WIF1: variants seen among roughly 807,000 people sequenced by gnomAD.
WIF1 encodes the protein Wnt inhibitory factor 1.
A neutral mutation model predicts 53.5 loss-of-function variants in WIF1; 35 were observed. The ratio of observed to expected loss-of-function variants is 0.65; its 90% CI spans 0.50 to 0.87. The LOEUF is 0.87. Ranked by LOEUF, WIF1 falls within the 40% of genes least tolerant of loss-of-function variation. The probability of loss-of-function intolerance (pLI) is 0.00; values close to 1 mark genes in which losing one functional copy is unlikely to be tolerated. For synonymous variants in WIF1, 171 were observed against 170.4 expected (o/e 1.00, Z -0.03); for missense variants, 467 against 476.8 (o/e 0.98, Z 0.19).
At chr12:65,061,458 C>T (rs1276947729) in intron 7 of WIF1, among the ~76,000 whole-genome samples, 2 of 152,178 alleles carry the variant, frequency 1.3e-5, no homozygotes, top group East Asian at 3.9e-4. Flanking sequence ...ACAGGCTGAC[C>T]TTCCTTTTGC....
At chr12:65,051,505 C>G in intron 9 of WIF1, 35 bp from the exon 10 acceptor site, 1 of 1,538,314 alleles carries the variant, frequency 6.5e-7, no homozygotes, top group African/African-American at 1.4e-5. Context: ...AGGAAAGAAA[C>G]TACAAAACCA....
rs369731783 is a variant in WIF1, at chr12:65,055,076, T to A, written c.1018+42A>T. On this transcript the variant is annotated intron_variant, in intron 9 of 9. Transcript: ENST00000286574. ...CTGGTCTCCCACTCACTTTTATTTT[T>A]ATTTTTTTCCTTGTTTACAACTTTT... The A allele has an allele frequency of 9.1e-5, 145 of 1,601,134 alleles. 1 individual carries two copies. Among genetic ancestry groups the A allele is most frequent in the Middle Eastern group, 6.7e-4 (4 of 6,002 alleles).
intron 2 of WIF1, among the ~76,000 whole-genome samples, chr12:65,102,987 T>C (rs1426322726): frequency 2.6e-5 from 4 of 152,216 alleles, no homozygotes; most frequent in Admixed American, 1.3e-4. Context: ...TATTTCTATG[T>C]TTACTATGTA....
intron 9 of WIF1, chr12:65,054,053 C>T (rs996631802): frequency 2.7e-5 from 4 of 146,438 alleles, no homozygotes; most frequent in African/African-American, 1.0e-4. Context: ...GTAGACACAA[C>T]CTGGAATTTT....
intron 2 of WIF1, among the ~76,000 whole-genome samples, chr12:65,105,801 A>G (rs920817232): frequency 6.6e-6 from 1 of 152,190 alleles, no homozygotes; most frequent in Admixed American, 6.5e-5. Context: ...CAACACCGCC[A>G]CACTGGCAAT....
At chr12:65,116,216 CG>C (rs1883506535) in intron 2 of WIF1, among the ~76,000 whole-genome samples, 1 of 152,142 alleles carries the variant, frequency 6.6e-6, no homozygotes, top group Non-Finnish European at 1.5e-5. Context: ...CCCCAACCCT[CG>C]GGGCACATGT....
chr12:65,056,548 A>G (rs1263420943), intron 7 of WIF1, among the ~76,000 whole-genome samples: 1 of 151,796 alleles, frequency 6.6e-6, no homozygotes, highest in Non-Finnish European at 1.5e-5. Flanking sequence ...AATAAACAGA[A>G]TAATCTTTTA....
intron 2 of WIF1, among the ~76,000 whole-genome samples, chr12:65,083,274 A>G (rs1882976118): frequency 6.6e-6 from 1 of 152,188 alleles, no homozygotes. Flanking sequence ...TAAGCAAGAA[A>G]GGAAAATAGT....
At chr12:65,062,943 G>A (rs1264951740) in intron 6 of WIF1, among the ~76,000 whole-genome samples, 3 of 152,058 alleles carry the variant, frequency 2.0e-5, no homozygotes, top group East Asian at 1.9e-4. Context: ...TAGAGGATAA[G>A]AGAAGAGTAA....
At chr12:65,116,103 C>T (rs1883504911) in intron 2 of WIF1, among the ~76,000 whole-genome samples, 1 of 152,054 alleles carries the variant, frequency 6.6e-6, no homozygotes, top group Admixed American at 6.5e-5. Flanking sequence ...GAAGATGTAA[C>T]TGGTGTTTAC....
At chr12:65,068,628 A>T in intron 4 of WIF1, 136 bp downstream of exon 4, 1 of 1,165,614 alleles carries the variant, frequency 8.6e-7, no homozygotes, top group Non-Finnish European at 1.2e-6. Context: ...CTGTAGTTAT[A>T]GAGCCATCAT....
intron 2 of WIF1, among the ~76,000 whole-genome samples, chr12:65,079,599 C>T (rs892388598): frequency 6.9e-6 from 1 of 144,708 alleles, no homozygotes; most frequent in African/African-American, 2.6e-5. Flanking sequence ...GCACTCCAGA[C>T]TGGGTGACAG....
At chr12:65,065,375 A>G (rs1206441923) in intron 6 of WIF1, among the ~76,000 whole-genome samples, 1 of 152,126 alleles carries the variant, frequency 6.6e-6, no homozygotes, top group Non-Finnish European at 1.5e-5. Flanking sequence ...CAGGATATGA[A>G]TTTGGGTCAA....
intron 2 of WIF1, among the ~76,000 whole-genome samples, chr12:65,085,102 A>C (rs1183451100): frequency 1.3e-5 from 2 of 152,178 alleles, no homozygotes; most frequent in East Asian, 3.8e-4. Context: ...CTTCTGGTTT[A>C]TATTTCCCTC....
intron 7 of WIF1, among the ~76,000 whole-genome samples, chr12:65,058,057 A>T (rs1276396065): frequency 6.6e-6 from 1 of 150,556 alleles, no homozygotes; most frequent in African/African-American, 2.5e-5. Flanking sequence ...ACTTAATAAC[A>T]GAATATCACC....
At chr12:65,117,991 G>A (rs1833089960) in intron 2 of WIF1, among the ~76,000 whole-genome samples, 1 of 152,178 alleles carries the variant, frequency 6.6e-6, no homozygotes, top group African/African-American at 2.4e-5. Flanking sequence ...TGGCCCAGAG[G>A]TTGGGGATCC....
At chr12:65,112,547 A>G (rs1253499819) in intron 2 of WIF1, among the ~76,000 whole-genome samples, 2 of 152,052 alleles carry the variant, frequency 1.3e-5, no homozygotes, top group African/African-American at 4.8e-5. Flanking sequence ...TGCCGACCCA[A>G]CACATACTCA....
chr12:65,064,639 A>G (rs1413542460), intron 6 of WIF1, among the ~76,000 whole-genome samples: 1 of 152,108 alleles, frequency 6.6e-6, no homozygotes, highest in African/African-American at 2.4e-5. Context: ...GTGGAATTTC[A>G]ACAGACATTA....
chr12:65,118,918 C>A (rs1883554005), intron 2 of WIF1, among the ~76,000 whole-genome samples: 4 of 152,066 alleles, frequency 2.6e-5, no homozygotes, highest in Admixed American at 2.6e-4. Context: ...TTGGCACTTT[C>A]TGCTTTTCCT....
Sources: gnomAD v4.1 joint callset for allele counts (sites outside exome capture counted in the v4.1 genomes callset) on GRCh38, gnomAD v4.1.1 for gene constraint, MANE v1.5 for transcripts, NCBI Gene and HGNC (gene_info 2026-07-23, HGNC 2026-07-21) for gene names.